The following TPPP2 variants were observed in gnomAD, a reference collection of about 807,000 sequenced individuals.
TPPP2 encodes tubulin polymerization promoting protein family member 2, also known as tubulin polymerization-promoting protein family member 2.
TPPP2 carries 8 observed loss-of-function variants against 13.0 expected under a neutral mutation model. The ratio of observed to expected loss-of-function variants is 0.62; its 90% CI spans 0.36 to 1.11. The LOEUF (loss-of-function observed/expected upper bound fraction) is 1.11, where lower values mean the gene tolerates loss of function less well. Among genes scored for constraint, TPPP2 ranks in the 50% most tolerant of loss-of-function variants. The pLI, the probability that TPPP2 is intolerant of heterozygous loss-of-function variation, is 0.02. For synonymous variants in TPPP2, 81 were observed against 81.8 expected, an observed-to-expected ratio of 0.99 and a Z score of 0.05; for missense variants, 213 against 216.9, an observed-to-expected ratio of 0.98 and a Z score of 0.11.
At chr14:21,029,070 A>C (rs1883887017), upstream of TPPP2, 1 of 152,220 alleles carries the variant, frequency 6.6e-6, no homozygotes, top group African/African-American at 2.4e-5. Context: ...CCTCACCCTC[A>C]GTCTATCCCA....
downstream of TPPP2, chr14:21,032,846 T>A (rs1019424735): frequency 1.9e-5 from 8 of 423,036 alleles, no homozygotes; most frequent in Admixed American, 5.7e-5. Context: ...TATTTTGAAT[T>A]GATTATGGGT....
At position 21,032,654 on chromosome 14, in the gene TPPP2, T is replaced by C; in HGVS notation, c.*577T>C. On this transcript the variant is annotated 3_prime_UTR_variant, in exon 4 of 4. Transcript: ENST00000321760. ...TTTCAACACCCAGCCCAGAACTAAGTTTTACCCCACATCACCTCCATCATG... is the reference window on the plus strand; with the variant it reads ...TTTCAACACCCAGCCCAGAACTAAGCTTTACCCCACATCACCTCCATCATG... 2.9e-6 allele frequency: 1 copy of C among 342,394 alleles called. No individual in the cohort carries two copies. The highest frequency in any genetic ancestry group is 5.6e-6 in the Non-Finnish European group (1 of 177,056). The allele number at this position is 342,394 out of a possible 1,614,324, so 21.2% of individuals were successfully genotyped here.
chr14:21,025,657 C>T (rs982572932), upstream of TPPP2: 5 of 984,538 alleles, frequency 5.1e-6, no homozygotes, highest in African/African-American at 3.5e-5. This position sits in a 1 kb window ranked among gnomAD's most constrained non-coding sequence, Gnocchi z 5.1. Flanking sequence ...CCGACTCCCT[C>T]GTGCCCAGAG....
intron 3 of TPPP2, 138 bp from the exon 4 acceptor site, chr14:21,031,754 C>T: frequency 1.1e-6 from 1 of 914,828 alleles, no homozygotes; most frequent in Non-Finnish European, 1.6e-6. Context: ...GTATCTGGGC[C>T]CTAAGAAAGC....
chr14:21,026,389 G>A (rs1052253824), upstream of TPPP2, among the ~76,000 whole-genome samples: 17 of 148,280 alleles, frequency 1.1e-4, no homozygotes, highest in African/African-American at 3.6e-4. Context: ...GGGGCTGGGC[G>A]CCAGGCCAGT....
chr14:21,024,321 AGAG>A, exon 1 of TPPP2: 1 of 985,020 alleles, frequency 1.0e-6, no homozygotes, highest in Non-Finnish European at 1.2e-6. Flanking sequence ...TGCGCGGAGG[AGAG>A]AAGGAAGTGC....
At chr14:21,033,596 A>G, downstream of TPPP2, 2 of 583,520 alleles carry the variant, frequency 3.4e-6, no homozygotes. Flanking sequence ...GATGATGAGG[A>G]GGTGGGGGCG....
Position 21,032,747 on chromosome 14 carries a change from G to C in TPPP2, c.*670G>C. The C allele has an allele frequency of 2.7e-6, 1 of 365,250 alleles. No individual in the cohort carries two copies. The highest frequency in any genetic ancestry group is 2.1e-5 in the South Asian group (1 of 48,220). 22.6% of individuals were successfully genotyped at this position (365,250 alleles called of 1,614,324 possible). A position where few individuals can be genotyped will look rare whatever the true frequency, so the allele number is the denominator to read the frequency against. On this transcript the variant is annotated 3_prime_UTR_variant, in exon 4 of 4. Coordinates refer to ENST00000321760, the MANE Select transcript of TPPP2 (RefSeq NM_173846.5). ...TCAGGAAGATGGCCAGATGAGGCAG[G>C]CTGCCAGGATTCCAAGAGCAGGAGT...
At position 21,032,230 on chromosome 14, in the gene TPPP2, C is replaced by A; in HGVS notation, c.*153C>A. 1.2e-6 allele frequency: 1 copy of A among 821,184 alleles called. No individual in the cohort carries two copies. The highest frequency in any genetic ancestry group is 2.0e-6 in the Non-Finnish European group (1 of 491,856). The allele number at this position is 821,184 out of a possible 1,614,324, so 50.9% of individuals were successfully genotyped here. ...CTAGTGTAGAGAGAGGGAGAAGAGG[C>A]AGCACAGGAGGGTGGGTTCTCCACC... On this transcript the variant is annotated 3_prime_UTR_variant, in exon 4 of 4. Transcript: ENST00000321760.
downstream of TPPP2, chr14:21,034,325 C>T: frequency 6.6e-7 from 1 of 1,517,908 alleles, no homozygotes. Flanking sequence ...TTGGGGGCAG[C>T]AGTGGGCCTG....
downstream of TPPP2, chr14:21,032,849 T>C (rs1884320508): frequency 2.3e-6 from 1 of 434,208 alleles, no homozygotes. Context: ...TTTGAATTGA[T>C]TATGGGTTGA....
At chr14:21,029,680 T>C (rs1566485301), upstream of TPPP2, among the ~76,000 whole-genome samples, 1 of 152,172 alleles carries the variant, frequency 6.6e-6, no homozygotes, top group Non-Finnish European at 1.5e-5. Context: ...TGGGGGGTGA[T>C]TAAGTTTTAT....
chr14:21,025,807 G>C (rs989320806), upstream of TPPP2: 18 of 791,472 alleles, frequency 2.3e-5, no homozygotes, highest in South Asian at 2.3e-4. The surrounding 1 kb of genome is among the most constrained non-coding windows in gnomAD (Gnocchi z 5.1). Context: ...CGGGCAGGCG[G>C]GGGGTGGGGA....
intron 3 of TPPP2, among the ~76,000 whole-genome samples, chr14:21,031,520 C>T (rs561582057): frequency 6.6e-6 from 1 of 152,332 alleles, no homozygotes; most frequent in Non-Finnish European, 1.5e-5. Context: ...TCCTGCCTCT[C>T]ACCTACTCCC....
chr14:21,026,207 C>T (rs866416110), upstream of TPPP2, among the ~76,000 whole-genome samples: 4 of 152,122 alleles, frequency 2.6e-5, no homozygotes, highest in South Asian at 4.1e-4. Flanking sequence ...CGGAGGAAGG[C>T]TCCCTGGAAT....
intron 2 of TPPP2, 128 bp downstream of exon 2, chr14:21,030,882 A>G: frequency 2.7e-6 from 4 of 1,507,212 alleles, no homozygotes; most frequent in East Asian, 4.6e-5. Flanking sequence ...GCGCTGTGCT[A>G]TCCTTTGTCT....
At position 21,031,899 on chromosome 14, in the gene TPPP2, C is replaced by T; in HGVS notation, c.335C>T (p.Thr112Ile). 4 of 1,613,366 alleles carry T rather than the reference C, an allele frequency of 2.5e-6. No homozygotes were observed. Among genetic ancestry groups the T allele is most frequent in the Non-Finnish European group, 3.4e-6 (4 of 1,179,420 alleles). Residue 112 changes from threonine (T) to isoleucine (I), a missense_variant, in exon 4 of 4, where the codon ACA becomes ATA. Physicochemically the swap from Thr to Ile is moderately conservative, Grantham distance 89. Transcript: ENST00000321760. The part of the protein sequence containing the change: ...DPATTGATKA[T>I]TVGAVDRLTD... ...TCCATCCCTGGCTTGCAGAAAGCAA[C>T]AACAGTGGGTGCAGTGGACCGTTTG...
rs1312466290 is a variant in TPPP2, at chr14:21,031,134, A to G, written c.296A>G (p.Glu99Gly). 6.2e-7 allele frequency: 1 copy of G among 1,614,106 alleles called. No individual in the cohort carries two copies. Among genetic ancestry groups the G allele is most frequent in the Admixed American group, 1.7e-5 (1 of 60,012 alleles). Residue 99 changes from glutamate (E) to glycine (G), a missense_variant, in exon 3 of 4, where the codon GAG (glutamate) becomes GGG (glycine). Physicochemically the swap from Glu to Gly is moderately conservative, Grantham distance 98. Coordinates refer to ENST00000321760, the MANE Select transcript of TPPP2 (RefSeq NM_173846.5). Reference sequence around the variant, plus strand: ...CTGGAGAACATTTATGGACTCATGGAGGGCAAAGACCCAGCCACCACTGGC... The same window carrying G: ...CTGGAGAACATTTATGGACTCATGGGGGGCAAAGACCCAGCCACCACTGGC... ...EVLENIYGLM[E>G]GKDPATTGAT... is the part of the protein sequence containing the mutation.
At chr14:21,028,948 G>A (rs569945020), upstream of TPPP2, 2 of 152,336 alleles carry the variant, frequency 1.3e-5, no homozygotes, top group East Asian at 3.9e-4. Context: ...TAGGATCCGT[G>A]AGGTTCATCT....
Sources: allele counts gnomAD v4.1 joint callset (sites outside exome capture counted in the v4.1 genomes callset), GRCh38; gene constraint gnomAD v4.1.1; non-coding constraint Gnocchi (gnomAD v3.1); transcripts MANE v1.5; gene names NCBI Gene and HGNC (gene_info 2026-07-23, HGNC 2026-07-21).